Variants in DOCK2 observed in about 807,000 individuals in gnomAD.
The protein encoded by DOCK2 is dedicator of cytokinesis 2, also known as dedicator of cytokinesis protein 2.
DOCK2 carries 87 observed loss-of-function variants against 248.9 expected under a neutral mutation model. The ratio of observed to expected loss-of-function variants is 0.35; its 90% CI spans 0.29 to 0.42. The LOEUF is 0.42. Among genes scored for constraint, DOCK2 ranks in the 10% least tolerant of loss-of-function variants. DOCK2 has a pLI of 1.00. For missense variants in DOCK2, 1,747 were observed against 2,300.2 expected, an observed-to-expected ratio of 0.76 and a Z score of 4.92; for synonymous variants, 805 against 821.6, an observed-to-expected ratio of 0.98 and a Z score of 0.35.
intron 2 of DOCK2, among the ~76,000 whole-genome samples, chr5:169,659,019 T>TATTATTATC (rs1554085171): frequency 8.5e-6 from 1 of 117,092 alleles, no homozygotes; most frequent in Admixed American, 8.1e-5. Flanking sequence ...TTATTATTAT[T>TATTATTATC]ATTATTATTA....
At chr5:170,038,188 G>A (rs1256713090) in intron 36 of DOCK2, among the ~76,000 whole-genome samples, 1 of 152,168 alleles carries the variant, frequency 6.6e-6, no homozygotes, top group Non-Finnish European at 1.5e-5. Flanking sequence ...CCTGTAGAAT[G>A]TTTCCGTCCT....
At chr5:169,942,543 A>T (rs192703792) in intron 27 of DOCK2, among the ~76,000 whole-genome samples, 1 of 152,246 alleles carries the variant, frequency 6.6e-6, no homozygotes, top group Non-Finnish European at 1.5e-5. Context: ...CATATTTTAC[A>T]GAAAATTGTA....
At chr5:169,776,651 A>G (rs1227949009) in intron 25 of DOCK2, among the ~76,000 whole-genome samples, 1 of 152,198 alleles carries the variant, frequency 6.6e-6, no homozygotes, top group African/African-American at 2.4e-5. Context: ...TTGAATTATA[A>G]TAACCCCCAC....
intron 40 of DOCK2, 31 bp downstream of exon 40, chr5:170,047,645 G>A (rs376277873): frequency 2.3e-5 from 36 of 1,598,648 alleles, no homozygotes; most frequent in African/African-American, 1.5e-4. Flanking sequence ...GACACCAGGC[G>A]AGAGCCCCAG....
At chr5:170,039,006 G>A (rs779411618) in intron 36 of DOCK2, among the ~76,000 whole-genome samples, 3 of 152,206 alleles carry the variant, frequency 2.0e-5, no homozygotes, top group African/African-American at 7.2e-5. Context: ...GGTTAACTCC[G>A]ATTGGCAGAA....
intron 39 of DOCK2, among the ~76,000 whole-genome samples, chr5:170,046,593 G>C (rs144915233): frequency 6.6e-6 from 1 of 152,154 alleles, no homozygotes; most frequent in Admixed American, 6.5e-5. Flanking sequence ...AGCTTTTGGT[G>C]GGGGGAAGGT....
intron 8 of DOCK2, among the ~76,000 whole-genome samples, chr5:169,688,285 G>A (rs567622318): frequency 4.1e-4 from 63 of 152,116 alleles, no homozygotes; most frequent in Non-Finnish European, 8.5e-4. Flanking sequence ...CTTTACTCAC[G>A]TTGACTTTGC....
At chr5:170,079,265 G>A in intron 49 of DOCK2, 119 bp downstream of exon 49, 1 of 1,354,010 alleles carries the variant, frequency 7.4e-7, no homozygotes, top group Non-Finnish European at 1.0e-6. Flanking sequence ...GCGGTGCTAT[G>A]GGTATTGCAG....
intron 27 of DOCK2, among the ~76,000 whole-genome samples, chr5:169,924,704 T>G (rs989406385): frequency 6.6e-5 from 10 of 152,242 alleles, no homozygotes; most frequent in Admixed American, 3.3e-4. Flanking sequence ...TGAGAGGCTT[T>G]TTTTGAAGGA....
intron 22 of DOCK2, among the ~76,000 whole-genome samples, chr5:169,743,941 A>G (rs986912918): frequency 6.7e-6 from 1 of 149,758 alleles, no homozygotes; most frequent in Non-Finnish European, 1.5e-5. Flanking sequence ...TTATATATAT[A>G]TATGTACTTT....
At chr5:169,903,985 G>T (rs774578923) in intron 27 of DOCK2, among the ~76,000 whole-genome samples, 2 of 151,806 alleles carry the variant, frequency 1.3e-5, no homozygotes, top group Non-Finnish European at 2.9e-5. Context: ...CCAGTTACTC[G>T]GGAGGGCTGA....
intron 36 of DOCK2, among the ~76,000 whole-genome samples, chr5:170,038,521 C>A (rs954906882): frequency 1.3e-5 from 2 of 152,194 alleles, no homozygotes; most frequent in African/African-American, 4.8e-5. Context: ...CTGGAAAACT[C>A]AGAAGGTGTG....
chr5:169,810,727 A>T (rs1767684911), intron 26 of DOCK2, among the ~76,000 whole-genome samples: 1 of 152,032 alleles, frequency 6.6e-6, no homozygotes, highest in South Asian at 2.1e-4. Context: ...TGCTTCCTTA[A>T]AGTTCCCATT....
chr5:169,685,121 T>C (rs753034031), intron 8 of DOCK2, among the ~76,000 whole-genome samples: 7 of 152,234 alleles, frequency 4.6e-5, no homozygotes, highest in Non-Finnish European at 4.4e-5. Flanking sequence ...GAGTTTCCCA[T>C]CTGCATAATG....
At chr5:169,984,907 T>C (rs1778026712) in intron 28 of DOCK2, among the ~76,000 whole-genome samples, 1 of 152,094 alleles carries the variant, frequency 6.6e-6, no homozygotes, top group Non-Finnish European at 1.5e-5. Flanking sequence ...GTCTTAGCTA[T>C]CCAGATTTCT....
chr5:169,950,642 C>A (rs1032248960), intron 27 of DOCK2, among the ~76,000 whole-genome samples: 1 of 152,234 alleles, frequency 6.6e-6, no homozygotes, highest in Non-Finnish European at 1.5e-5. Context: ...CTCAGGTGTA[C>A]TCTTTTCCCC....
At chr5:169,780,732 G>A (rs1195012738) in intron 25 of DOCK2, among the ~76,000 whole-genome samples, 4 of 152,134 alleles carry the variant, frequency 2.6e-5, no homozygotes, top group Non-Finnish European at 5.9e-5. Flanking sequence ...ATCGTCTATT[G>A]AAGAAAACAC....
intron 27 of DOCK2, among the ~76,000 whole-genome samples, chr5:169,893,281 G>A (rs936379540): frequency 1.3e-5 from 2 of 152,148 alleles, no homozygotes; most frequent in African/African-American, 2.4e-5. Context: ...GTCACCTCCA[G>A]CTTGCTTTCT....
intron 29 of DOCK2, among the ~76,000 whole-genome samples, chr5:169,988,912 A>T (rs1778140002): frequency 6.6e-6 from 1 of 152,224 alleles, no homozygotes; most frequent in South Asian, 2.1e-4. Context: ...AGTGTTCCCC[A>T]GAATACCATT....
Sources: allele counts gnomAD v4.1 joint callset (sites outside exome capture counted in the v4.1 genomes callset), GRCh38; gene constraint gnomAD v4.1.1; transcripts MANE v1.5; gene names NCBI Gene and HGNC (gene_info 2026-07-23, HGNC 2026-07-21).